TNKS: variants seen among roughly 807,000 people sequenced by gnomAD.
The protein encoded by TNKS is poly [ADP-ribose] polymerase tankyrase-1.
A neutral mutation model predicts 135.8 loss-of-function variants in TNKS; 72 were observed. The ratio of observed to expected loss-of-function variants is 0.53; its 90% CI spans 0.44 to 0.64. The LOEUF (loss-of-function observed/expected upper bound fraction) is 0.64. Ranked by LOEUF, TNKS falls within the 30% of genes least tolerant of loss-of-function variation. TNKS has a pLI of 0.00. For synonymous variants in TNKS, 849 were observed against 649.3 expected, an observed-to-expected ratio of 1.31 and a Z score of -4.68; for missense variants, 1,769 against 1,674.0, an observed-to-expected ratio of 1.06 and a Z score of -0.99.
At chr8:9,568,955 T>A (rs2129051002) in intron 1 of TNKS, among the ~76,000 whole-genome samples, 1 of 152,356 alleles carries the variant, frequency 6.6e-6, no homozygotes, top group South Asian at 2.1e-4. Flanking sequence ...GTACTTGTTT[T>A]GAGCATTTAG....
rs577510526 is a variant in TNKS at position 9,589,656 on chromosome 8, C to T, written c.898+9273C>T. 1.4e-3 allele frequency among the ~76,000 whole-genome samples: 212 copies of T among 152,332 alleles called. 1 individual carries two copies. In the South Asian group the frequency reaches 0.032, roughly 23 times the overall value. ...GTTTCCTAGTGTGGACTTGGCCCCTCGGGCCTCACCACTATACATAGGAAT... is the reference window on the plus strand; with the variant it reads ...GTTTCCTAGTGTGGACTTGGCCCCTTGGGCCTCACCACTATACATAGGAAT... On this transcript the variant is annotated intron_variant, in intron 2 of 26. Coordinates refer to ENST00000310430, the MANE Select transcript of TNKS (RefSeq NM_003747.3).
At chr8:9,601,768 TAGA>T (rs1215445904) in intron 2 of TNKS, among the ~76,000 whole-genome samples, 5 of 152,216 alleles carry the variant, frequency 3.3e-5, no homozygotes, top group African/African-American at 9.6e-5. Context: ...ACCTTAAATT[TAGA>T]AGGATACTTA....
intron 3 of TNKS, among the ~76,000 whole-genome samples, chr8:9,630,960 G>A (rs912356305): frequency 9.9e-5 from 15 of 151,928 alleles, no homozygotes; most frequent in African/African-American, 3.4e-4. Flanking sequence ...TCTCCTTGAC[G>A]AAGCAGTACA....
chr8:9,653,924 G>T (rs370848213), intron 3 of TNKS, among the ~76,000 whole-genome samples: 3 of 151,998 alleles, frequency 2.0e-5, no homozygotes, highest in African/African-American at 7.3e-5. Context: ...TTCAGCCTCT[G>T]TGTCTCCATT....
chr8:9,615,750 G>A, intron 3 of TNKS, 73 bp downstream of exon 3: 2 of 1,267,404 alleles, frequency 1.6e-6, no homozygotes, highest in South Asian at 2.8e-5. Context: ...ATCTTGTTAT[G>A]CTGAATTTTT....
chr8:9,599,845 C>CA (rs1798944630), intron 2 of TNKS, among the ~76,000 whole-genome samples: 1 of 151,776 alleles, frequency 6.6e-6, no homozygotes, highest in Admixed American at 6.6e-5. Flanking sequence ...ACAACAGGCG[C>CA]AAAATTGAAT....
intron 2 of TNKS, among the ~76,000 whole-genome samples, chr8:9,614,969 G>A (rs899162849): frequency 6.6e-6 from 1 of 152,102 alleles, no homozygotes; most frequent in African/African-American, 2.4e-5. Context: ...TTGAGTTTCT[G>A]TTTCTAAACA....
rs1808448573 is a variant in TNKS at position 9,781,291 on chromosome 8, C to G, written c.*4555C>G. The G allele has an allele frequency of 6.6e-6, 1 of 152,186 alleles. No homozygotes were observed. Among genetic ancestry groups the G allele is most frequent in the African/African-American group, 2.4e-5 (1 of 41,426 alleles). The allele number at this position is 152,186 out of a possible 1,614,324, so 9.4% of individuals were successfully genotyped here. A position where few individuals can be genotyped will look rare whatever the true frequency, so the allele number is the denominator to read the frequency against. ...CAGAATTCAGATTGTTCTGTGATTT[C>G]TTTTACATCAGTCTACCCATTTCTG... is the stretch of plus-strand genomic sequence containing the variant. On this transcript the variant is annotated 3_prime_UTR_variant, in exon 27 of 27. Coordinates refer to ENST00000310430, the MANE Select transcript of TNKS (RefSeq NM_003747.3).
chr8:9,709,232 G>C (rs1432767530), intron 9 of TNKS, among the ~76,000 whole-genome samples: 1 of 152,078 alleles, frequency 6.6e-6, no homozygotes, highest in Non-Finnish European at 1.5e-5. Context: ...AACTGAAATA[G>C]GCTAACTATA....
rs1217155124 is a variant in TNKS, at chr8:9,781,202, T to C, written c.*4466T>C. ...TCCTCCTTTCACATTCTTTTTTGCT[T>C]TACACTTCACGTCTTCGCACCTGCC... On this transcript the variant is annotated 3_prime_UTR_variant, in exon 27 of 27. Coordinates refer to ENST00000310430, the MANE Select transcript of TNKS (RefSeq NM_003747.3). 1 of 152,174 alleles carries C rather than the reference T, an allele frequency of 6.6e-6. No homozygotes were observed. The highest frequency in any genetic ancestry group is 6.5e-5 in the Admixed American group (1 of 15,270). 9.4% of individuals were successfully genotyped at this position (152,174 alleles called of 1,614,324 possible).
intron 3 of TNKS, among the ~76,000 whole-genome samples, chr8:9,640,280 G>T (rs1391314461): frequency 6.6e-6 from 1 of 152,094 alleles, no homozygotes; most frequent in African/African-American, 2.4e-5. Flanking sequence ...TTCTTACTGT[G>T]TTATTCCACG....
At chr8:9,663,361 G>T (rs1801823389) in intron 3 of TNKS, among the ~76,000 whole-genome samples, 1 of 152,332 alleles carries the variant, frequency 6.6e-6, no homozygotes, top group African/African-American at 2.4e-5. Context: ...CAAGGAAAGT[G>T]CTTGTCAAAT....
intron 11 of TNKS, among the ~76,000 whole-genome samples, chr8:9,711,484 T>C (rs1284949200): frequency 6.6e-6 from 1 of 152,140 alleles, no homozygotes; most frequent in Non-Finnish European, 1.5e-5. Context: ...TTGATCAGAG[T>C]AGTGACCCTG....
At chr8:9,772,809 TTGTGTGTGTG>T (rs368113364) in intron 26 of TNKS, among the ~76,000 whole-genome samples, 2 of 86,586 alleles carry the variant, frequency 2.3e-5, no homozygotes, top group African/African-American at 8.4e-5. Context: ...GTGTGTGTGT[TTGTGTGTGTG>T]TGTGTGTGTG....
At chr8:9,719,409 T>C (rs1804758985) in intron 11 of TNKS, among the ~76,000 whole-genome samples, 1 of 152,224 alleles carries the variant, frequency 6.6e-6, no homozygotes, top group Non-Finnish European at 1.5e-5. Flanking sequence ...CCAGAAAGTC[T>C]GTGTGTAACA....
At chr8:9,689,348 C>G (rs1184277443) in intron 5 of TNKS, among the ~76,000 whole-genome samples, 1 of 152,092 alleles carries the variant, frequency 6.6e-6, no homozygotes, top group African/African-American at 2.4e-5. Flanking sequence ...ATGTTTTTCT[C>G]TACTAAGAAT....
chr8:9,588,629 C>T (rs1156349368), intron 2 of TNKS, among the ~76,000 whole-genome samples: 1 of 152,166 alleles, frequency 6.6e-6, no homozygotes, highest in East Asian at 1.9e-4. Flanking sequence ...CAATATGAGG[C>T]ATGATTAAAC....
At chr8:9,622,434 G>A (rs1242496388) in intron 3 of TNKS, among the ~76,000 whole-genome samples, 2 of 152,172 alleles carry the variant, frequency 1.3e-5, no homozygotes, top group African/African-American at 4.8e-5. Flanking sequence ...TCACAATGAA[G>A]CTGTGAAGTA....
intron 26 of TNKS, among the ~76,000 whole-genome samples, chr8:9,773,162 T>G (rs1797270663): frequency 6.6e-6 from 1 of 152,086 alleles, no homozygotes; most frequent in African/African-American, 2.4e-5. Flanking sequence ...CTTCTAGAAA[T>G]TTGTATTGGA....
Sources: allele counts gnomAD v4.1 joint callset (sites outside exome capture counted in the v4.1 genomes callset), GRCh38; gene constraint gnomAD v4.1.1; transcripts MANE v1.5; gene names NCBI Gene and HGNC (gene_info 2026-07-23, HGNC 2026-07-21).